CSMD1: variants seen among roughly 807,000 people sequenced by gnomAD.
The protein encoded by CSMD1 is CUB and Sushi multiple domains 1.
CSMD1 carries 213 observed loss-of-function variants against 417.5 expected under a neutral mutation model. That is an observed-to-expected ratio of 0.51 (90% CI 0.46 to 0.57). The LOEUF (loss-of-function observed/expected upper bound fraction) is 0.57, where lower values mean the gene tolerates loss of function less well. CSMD1 is among the 20% of genes least tolerant of loss of function. The probability of loss-of-function intolerance (pLI) is 0.00; values close to 1 mark genes in which losing one functional copy is unlikely to be tolerated. For missense variants in CSMD1, 6,923 were observed against 4,529.7 expected, an observed-to-expected ratio of 1.53 and a Z score of -15.17; for synonymous variants, 2,862 against 1,736.8, an observed-to-expected ratio of 1.65 and a Z score of -16.11.
intron 10 of CSMD1, among the ~76,000 whole-genome samples, chr8:3,502,102 C>T (rs572491184): frequency 4.6e-5 from 7 of 152,174 alleles, no homozygotes; most frequent in African/African-American, 1.7e-4. Flanking sequence ...AAACGTATGT[C>T]CACACAAATC....
chr8:4,581,930 C>G (rs13253364), intron 2 of CSMD1, among the ~76,000 whole-genome samples: 2 of 152,156 alleles, frequency 1.3e-5, no homozygotes, highest in Admixed American at 1.3e-4. Flanking sequence ...ACAGTACAGT[C>G]AGGTCAAAGA....
At chr8:4,215,578 C>T (rs1425165260) in intron 3 of CSMD1, among the ~76,000 whole-genome samples, 1 of 151,532 alleles carries the variant, frequency 6.6e-6, no homozygotes, top group Non-Finnish European at 1.5e-5. Flanking sequence ...GCATTTTTTC[C>T]CTAAAATTTA....
intron 5 of CSMD1, among the ~76,000 whole-genome samples, chr8:3,989,454 C>T (rs2740979): frequency 0.44 from 67,433 of 151,964 alleles, 15,539 homozygotes; most frequent in Admixed American, 0.52. Context: ...CATGCTGGAA[C>T]GAGTTGTGGT....
At position 3,897,109 on chromosome 8, in the gene CSMD1, G is replaced by C. The variant is rs73495935; in HGVS notation, c.818+100794C>G. On this transcript the variant is annotated intron_variant, in intron 5 of 69. Coordinates refer to ENST00000635120, the MANE Select transcript of CSMD1 (RefSeq NM_033225.6). ...TCCTTTCAATACTGGATGTATTCAT[G>C]ACAGCACTGAAATCACAGAGACCCA... Among the ~76,000 whole-genome samples the C allele has an allele frequency of 7.8e-3, 1,181 of 152,228 alleles. 15 individuals carry two copies. The highest frequency in any genetic ancestry group is 0.026 in the African/African-American group (1,069 of 41,542).
chr8:3,245,553 A>G (rs971434917), intron 26 of CSMD1, among the ~76,000 whole-genome samples: 9 of 152,208 alleles, frequency 5.9e-5, no homozygotes, highest in Non-Finnish European at 1.0e-4. Flanking sequence ...ATCTGAGGCC[A>G]TCTCTTTGAA....
Position 2,963,294 on chromosome 8 carries a change from G to C in CSMD1, c.9382C>G (p.Gln3128Glu), listed in dbSNP as rs1351925926. ...GAGAGGATGGCGGAGTGAGAGAGCT[G>C]GTAACCGTCCATGCAGCTGTAACTT... The part of the protein sequence containing the change: ...SISYSCMDGY[Q>E]LSHSAILSCE... The change falls in exon 60 of 70, where the codon CAG becomes GAG. Residue 3128 changes from glutamine (Q) to glutamate (E), a missense_variant. Physicochemically the swap from Gln to Glu is conservative, Grantham distance 29. Transcript: ENST00000635120. 6.2e-7 allele frequency: 1 copy of C among 1,613,958 alleles called. No individual in the cohort carries two copies.
chr8:3,613,495 A>T (rs1801987933), intron 8 of CSMD1, among the ~76,000 whole-genome samples: 1 of 152,084 alleles, frequency 6.6e-6, no homozygotes, highest in Non-Finnish European at 1.5e-5. Flanking sequence ...ATACCTGTAA[A>T]AAAACTAAAC....
intron 3 of CSMD1, among the ~76,000 whole-genome samples, chr8:4,242,823 C>A (rs1802480573): frequency 6.6e-6 from 1 of 152,158 alleles, no homozygotes; most frequent in Non-Finnish European, 1.5e-5. Context: ...TCACCAACGA[C>A]ATGTGACTAT....
intron 6 of CSMD1, among the ~76,000 whole-genome samples, chr8:3,716,794 T>A (rs78576368): frequency 0.058 from 8,889 of 152,218 alleles, 299 homozygotes; most frequent in South Asian, 0.073. Context: ...TCCATTTAAC[T>A]CTGTTGGTCA....
intron 3 of CSMD1, among the ~76,000 whole-genome samples, chr8:4,400,244 A>G (rs113034734): frequency 6.6e-6 from 1 of 152,206 alleles, no homozygotes; most frequent in African/African-American, 2.4e-5. Flanking sequence ...GACATGGAAG[A>G]AGTTCTGGCT....
intron 25 of CSMD1, among the ~76,000 whole-genome samples, chr8:3,288,313 C>T (rs2117261312): frequency 6.8e-6 from 1 of 147,000 alleles, no homozygotes; most frequent in East Asian, 2.0e-4. Flanking sequence ...TGATGTTGGC[C>T]TCATAAAACG....
chr8:4,432,179 T>A (rs1456467081), intron 2 of CSMD1, among the ~76,000 whole-genome samples: 1 of 152,272 alleles, frequency 6.6e-6, no homozygotes, highest in Non-Finnish European at 1.5e-5. Flanking sequence ...GCAATTATAT[T>A]GCGAAGTTTG....
intron 2 of CSMD1, among the ~76,000 whole-genome samples, chr8:4,547,338 C>G (rs947834451): frequency 6.6e-6 from 1 of 152,192 alleles, no homozygotes; most frequent in African/African-American, 2.4e-5. Context: ...TTCCACGTTG[C>G]CACAGCAGTG....
At chr8:3,779,149 T>TTGTGTGTGTGTGTGTGTG (rs56294437) in intron 5 of CSMD1, among the ~76,000 whole-genome samples, 1 of 147,434 alleles carries the variant, frequency 6.8e-6, no homozygotes, top group African/African-American at 2.5e-5. Flanking sequence ...GCGTGCATAC[T>TTGTGTGTGTGTGTGTGTG]TGTGTGTGTG....
chr8:4,692,259 C>A lies in CSMD1; in HGVS notation c.86-54701G>T, dbSNP rs1157474544. ...TGCAAGCCACTCCCAACAGTCAAGT[C>A]TTAAGATGTACGTTTTCTTAGTTAT... On this transcript the variant is annotated intron_variant, in intron 1 of 69. Coordinates refer to ENST00000635120, the MANE Select transcript of CSMD1 (RefSeq NM_033225.6). Among the ~76,000 whole-genome samples, 2 of 152,044 alleles carry A rather than the reference C, an allele frequency of 1.3e-5. 1 individual carries two copies. The highest frequency in any genetic ancestry group is 2.9e-5 in the Non-Finnish European group (2 of 68,020).
At chr8:4,645,041 G>A (rs771299466) in intron 1 of CSMD1, among the ~76,000 whole-genome samples, 2 of 152,164 alleles carry the variant, frequency 1.3e-5, no homozygotes, top group Non-Finnish European at 2.9e-5. Context: ...AAAACATTAG[G>A]ATGCAGGTGA....
At position 3,387,522 on chromosome 8, in the gene CSMD1, C is replaced by G; in HGVS notation, c.2754G>C (p.Gln918His). ...CGCAGCTGGGCAAGGCGTGGTTCCACTGGTGGTTCCTCTCACAGACGAGGG... is the reference window on the plus strand; with the variant it reads ...CGCAGCTGGGCAAGGCGTGGTTCCAGTGGTGGTTCCTCTCACAGACGAGGG... ...DEPLVCERNH[Q>H]WNHALPSCDA... The change falls in exon 18 of 70, where the codon CAG becomes CAC. Residue 918 changes from glutamine (Q) to histidine (H), a missense_variant. Gln to His is a conservative substitution (Grantham distance 24, BLOSUM62 0). Coordinates refer to ENST00000635120, the MANE Select transcript of CSMD1 (RefSeq NM_033225.6). 7 of 1,602,130 alleles carry G rather than the reference C, an allele frequency of 4.4e-6. No individual in the cohort carries two copies. Among genetic ancestry groups the G allele is most frequent in the South Asian group, 1.1e-5 (1 of 88,510 alleles).
At chr8:3,480,321 C>T (rs1817668143) in intron 11 of CSMD1, among the ~76,000 whole-genome samples, 3 of 152,102 alleles carry the variant, frequency 2.0e-5, no homozygotes, top group African/African-American at 7.2e-5. Context: ...CAGATCGTGC[C>T]ACTGCACTCC....
At chr8:3,347,789 A>C (rs1172708097) in intron 22 of CSMD1, among the ~76,000 whole-genome samples, 1 of 152,176 alleles carries the variant, frequency 6.6e-6, no homozygotes, top group Non-Finnish European at 1.5e-5. Context: ...TTTATCTACA[A>C]AGTTATTTCA....
Sources: gnomAD v4.1 joint callset for allele counts (sites outside exome capture counted in the v4.1 genomes callset) on GRCh38, gnomAD v4.1.1 for gene constraint, MANE v1.5 for transcripts, NCBI Gene and HGNC (gene_info 2026-07-23, HGNC 2026-07-21) for gene names.